The following NRXN3 variants were observed in gnomAD, a reference collection of about 807,000 sequenced individuals.
NRXN3 encodes neurexin 3.
NRXN3 carries 32 observed loss-of-function variants against 137.6 expected under a neutral mutation model. The ratio of observed to expected loss-of-function variants is 0.23; its 90% CI spans 0.18 to 0.31. The LOEUF (loss-of-function observed/expected upper bound fraction) is 0.31, where lower values mean the gene tolerates loss of function less well. Ranked by LOEUF, NRXN3 falls within the 10% of genes least tolerant of loss-of-function variation. NRXN3 has a pLI of 1.00. For missense variants in NRXN3, 1,574 were observed against 2,062.5 expected (o/e 0.76, Z 4.59); for synonymous variants, 798 against 784.5 (o/e 1.02, Z -0.29).
chr14:79,251,072 C>T lies in NRXN3; in HGVS notation c.3263-216149C>T, dbSNP rs79937124. 5.7e-3 allele frequency among the ~76,000 whole-genome samples: 870 copies of T among 152,180 alleles called. 9 individuals are homozygous for T. The highest frequency in any genetic ancestry group is 0.02 in the African/African-American group (850 of 41,512). On this transcript the variant is annotated intron_variant, in intron 15 of 20. Coordinates refer to ENST00000335750, the MANE Select transcript of NRXN3 (RefSeq NM_001330195.2). ...GAAGGCTACAGCTGACATGATAGGA[C>T]AGGGCTAGTTTGTAGAGGATTTTGA...
chr14:79,666,160 A>T lies in NRXN3; in HGVS notation c.3616+2211A>T, dbSNP rs78715697. Among the ~76,000 whole-genome samples, 1,360 of 152,176 alleles carry T rather than the reference A, an allele frequency of 8.9e-3. 19 individuals are homozygous for T. The highest frequency in any genetic ancestry group is 0.031 in the African/African-American group (1,300 of 41,548). ...GAGTTTTTATTTTTCTCCTCTGATGATTTCTGTAATGCTTTCAAAATATAT... is the reference window on the plus strand; with the variant it reads ...GAGTTTTTATTTTTCTCCTCTGATGTTTTCTGTAATGCTTTCAAAATATAT... On this transcript the variant is annotated intron_variant, in intron 17 of 20. Transcript: ENST00000335750.
intron 2 of NRXN3, chr14:78,250,245 C>A: frequency 2.9e-6 from 1 of 346,870 alleles, no homozygotes; most frequent in Non-Finnish European, 5.7e-6. Context: ...AAACAGGAAT[C>A]ATAAAAAATC....
intron 9 of NRXN3, 137 bp from the exon 10 acceptor site, chr14:78,810,181 C>T: frequency 1.6e-6 from 1 of 617,582 alleles, no homozygotes; most frequent in South Asian, 1.9e-5. Flanking sequence ...TAAACTTGTA[C>T]ATACTTTATA....
intron 15 of NRXN3, among the ~76,000 whole-genome samples, chr14:79,093,824 T>C (rs1196320249): frequency 6.6e-6 from 1 of 151,986 alleles, no homozygotes; most frequent in Non-Finnish European, 1.5e-5. Context: ...ACTCAGAGTA[T>C]GGGGCCTGGT....
intron 19 of NRXN3, among the ~76,000 whole-genome samples, chr14:79,738,315 CCACACACACACACACACACACACA>C (rs10539564): frequency 5.1e-4 from 70 of 138,052 alleles, no homozygotes; most frequent in African/African-American, 1.8e-3. Flanking sequence ...ATTTCCCCCG[CCACACACACACACACACACACACA>C]CACACACACA....
intron 2 of NRXN3, chr14:78,249,995 A>G: frequency 2.3e-6 from 1 of 433,862 alleles, no homozygotes; most frequent in East Asian, 6.6e-5. Context: ...ATCACAGAGC[A>G]CTGGCTCCAG....
Position 78,902,845 on chromosome 14 carries a change from T to TTA in NRXN3, c.2276-54387_2276-54386dup, listed in dbSNP as rs574542908. On this transcript the variant is annotated intron_variant, in intron 10 of 20. Coordinates refer to ENST00000335750, the MANE Select transcript of NRXN3 (RefSeq NM_001330195.2). ...ATTCAGGAAATACATATATTAAATA[T>TTA]TATATATATATGTATAATATGTAAC... is the stretch of plus-strand genomic sequence containing the variant. Among the ~76,000 whole-genome samples the TTA allele has an allele frequency of 4.7e-3, 713 of 151,234 alleles. 2 individuals are homozygous for TTA. The highest frequency in any genetic ancestry group is 8.4e-3 in the Non-Finnish European group (572 of 67,826).
intron 19 of NRXN3, among the ~76,000 whole-genome samples, chr14:79,735,354 C>G (rs1267326162): frequency 1.3e-5 from 2 of 152,050 alleles, no homozygotes; most frequent in Admixed American, 6.6e-5. Flanking sequence ...ATTTTTTCCA[C>G]AGCAAAAAAT....
intron 4 of NRXN3, among the ~76,000 whole-genome samples, chr14:78,456,382 T>C (rs2094700896): frequency 6.6e-6 from 1 of 152,224 alleles, no homozygotes; most frequent in South Asian, 2.1e-4. Context: ...AGTTTTCTCA[T>C]ATGTTAAATG....
intron 8 of NRXN3, among the ~76,000 whole-genome samples, chr14:78,800,988 A>G (rs61680587): frequency 6.6e-6 from 1 of 152,286 alleles, no homozygotes; most frequent in African/African-American, 2.4e-5. Context: ...TAAAAATTAT[A>G]TGTCTGATGC....
chr14:78,974,979 T>C (rs2099459384), intron 14 of NRXN3, among the ~76,000 whole-genome samples: 2 of 152,188 alleles, frequency 1.3e-5, no homozygotes, highest in South Asian at 2.1e-4. Context: ...TTAAGTCCTC[T>C]TGTTATTGTG....
At chr14:78,837,028 G>A (rs1325107172) in intron 10 of NRXN3, among the ~76,000 whole-genome samples, 1 of 152,064 alleles carries the variant, frequency 6.6e-6, no homozygotes, top group African/African-American at 2.4e-5. Flanking sequence ...AACCCACATC[G>A]CCACCTACTG....
chr14:78,558,708 A>G (rs2096760427), intron 4 of NRXN3, among the ~76,000 whole-genome samples: 1 of 152,194 alleles, frequency 6.6e-6, no homozygotes, highest in Non-Finnish European at 1.5e-5. Flanking sequence ...GCAGCTTATG[A>G]TGATTTTCTT....
At chr14:78,447,933 T>C (rs1469801905) in intron 4 of NRXN3, among the ~76,000 whole-genome samples, 2 of 152,212 alleles carry the variant, frequency 1.3e-5, no homozygotes, top group East Asian at 3.8e-4. Flanking sequence ...TAGTTGTCAT[T>C]GTTATTCCCT....
At chr14:79,328,284 A>G (rs2091197212) in intron 15 of NRXN3, among the ~76,000 whole-genome samples, 1 of 152,238 alleles carries the variant, frequency 6.6e-6, no homozygotes, top group Non-Finnish European at 1.5e-5. Flanking sequence ...ACCAGTGGTG[A>G]ATATAAAAGG....
intron 15 of NRXN3, among the ~76,000 whole-genome samples, chr14:79,443,353 T>C (rs1250716314): frequency 2.0e-5 from 3 of 152,226 alleles, no homozygotes; most frequent in Admixed American, 6.5e-5. Context: ...TTTTTTCCTG[T>C]GTCTTTGGCA....
chr14:78,419,986 C>CACACACAGA (rs10676901), intron 4 of NRXN3, among the ~76,000 whole-genome samples: 7 of 150,118 alleles, frequency 4.7e-5, no homozygotes, highest in Admixed American at 3.3e-4. Context: ...CACACACACA[C>CACACACAGA]GTAAAGTCCT....
chr14:78,703,399 C>T (rs1369476547), intron 6 of NRXN3, among the ~76,000 whole-genome samples: 2 of 152,152 alleles, frequency 1.3e-5, no homozygotes, highest in Non-Finnish European at 2.9e-5. Flanking sequence ...AAGATTCTTT[C>T]ACAACACTTC....
chr14:79,719,651 C>A (rs1225637338), intron 19 of NRXN3, among the ~76,000 whole-genome samples: 1 of 151,964 alleles, frequency 6.6e-6, no homozygotes, highest in Non-Finnish European at 1.5e-5. Context: ...GTGATCCAAC[C>A]CTCCAGAGAA....
Sources: gnomAD v4.1 joint callset for allele counts (sites outside exome capture counted in the v4.1 genomes callset) on GRCh38, gnomAD v4.1.1 for gene constraint, MANE v1.5 for transcripts, NCBI Gene and HGNC (gene_info 2026-07-23, HGNC 2026-07-21) for gene names.